Variants in DEPDC5 observed in about 807,000 individuals in gnomAD.
The protein encoded by DEPDC5 is DEP domain containing 5, GATOR1 subcomplex subunit, also known as GATOR1 complex protein DEPDC5.
DEPDC5 carries 73 observed loss-of-function variants against 217.3 expected under a neutral mutation model. The observed-to-expected ratio is 0.34, with a 90% CI of 0.28 to 0.41. The LOEUF is 0.41. Ranked by LOEUF, DEPDC5 falls within the 10% of genes least tolerant of loss-of-function variation. The pLI, the probability that DEPDC5 is intolerant of heterozygous loss-of-function variation, is 1.00. For synonymous variants in DEPDC5, 733 were observed against 756.7 expected (o/e 0.97, Z 0.51); for missense variants, 1,675 against 2,070.1 (o/e 0.81, Z 3.70).
chr22:31,760,718 CTCT>C lies in DEPDC5; in HGVS notation c.193+21_193+23del, dbSNP rs1394336044. ...TTACAGAAGGGTAAGAATTATATCACTCTTCTTAGAATTTTTTATTTACTGCCT... is the reference window on the plus strand; with the variant it reads ...TTACAGAAGGGTAAGAATTATATCACTCTTAGAATTTTTTATTTACTGCCT... On this transcript the variant is annotated intron_variant, in intron 4 of 42. Transcript: ENST00000651528. The C allele has an allele frequency of 1.3e-6, 2 of 1,595,238 alleles. No homozygotes were observed. Among genetic ancestry groups the C allele is most frequent in the Non-Finnish European group, 1.7e-6 (2 of 1,169,784 alleles).
At position 31,869,829 on chromosome 22, in the gene DEPDC5, A is replaced by G. The variant is rs140234597; in HGVS notation, c.3331-761A>G. 2.0e-3 allele frequency among the ~76,000 whole-genome samples: 308 copies of G among 152,192 alleles called. 1 individual carries two copies. Among genetic ancestry groups the G allele is most frequent in the African/African-American group, 7.1e-3 (295 of 41,534 alleles). ...TGAAAGTTTTCAGAGTAACAGAATGATGGGATTGGAACTGTTCTTGACAGA... is the reference window on the plus strand; with the variant it reads ...TGAAAGTTTTCAGAGTAACAGAATGGTGGGATTGGAACTGTTCTTGACAGA... On this transcript the variant is annotated intron_variant, in intron 33 of 42. Coordinates refer to ENST00000651528, the MANE Select transcript of DEPDC5 (RefSeq NM_001242896.3).
rs929089696 is a variant in DEPDC5, at chr22:31,804,729, A to G, written c.1144-113A>G. ...TGCTGGGATTACAGGCATGACCCAC[A>G]GCGCCCAGCCCTAAAAAATTTTTTT... On this transcript the variant is annotated intron_variant, in intron 16 of 42. Coordinates refer to ENST00000651528, the MANE Select transcript of DEPDC5 (RefSeq NM_001242896.3). 6.9e-6 allele frequency: 7 copies of G among 1,013,976 alleles called. No homozygotes were observed. The African/African-American group carries it at 9.7e-5, about 14-fold the overall frequency. The allele number at this position is 1,013,976 out of a possible 1,614,324, so 62.8% of individuals were successfully genotyped here. A position where few individuals can be genotyped will look rare whatever the true frequency, so the allele number is the denominator to read the frequency against.
chr22:31,791,724 C>T (rs1410918291), intron 10 of DEPDC5, among the ~76,000 whole-genome samples: 1 of 150,998 alleles, frequency 6.6e-6, no homozygotes, highest in Non-Finnish European at 1.5e-5. Context: ...GTCAGGAGAT[C>T]GAGACCATCT....
chr22:31,875,471 T>C (rs1382322319), intron 36 of DEPDC5: 1 of 152,110 alleles, frequency 6.6e-6, no homozygotes, highest in African/African-American at 2.4e-5. Flanking sequence ...AATAAAATTA[T>C]TTAAGAATAA....
intron 7 of DEPDC5, among the ~76,000 whole-genome samples, chr22:31,772,246 T>G (rs932845633): frequency 6.6e-6 from 1 of 151,970 alleles, no homozygotes; most frequent in African/African-American, 2.4e-5. Flanking sequence ...AAACAAAAAT[T>G]TGTTAGCGGG....
At chr22:31,809,863 T>C (rs2088049680) in intron 19 of DEPDC5, among the ~76,000 whole-genome samples, 1 of 152,082 alleles carries the variant, frequency 6.6e-6, no homozygotes. Flanking sequence ...GTGCCTGTAA[T>C]CCCAGCTACT....
intron 10 of DEPDC5, among the ~76,000 whole-genome samples, chr22:31,786,827 CTT>C (rs753795735): frequency 1.1e-4 from 16 of 152,032 alleles, no homozygotes; most frequent in African/African-American, 3.9e-4. Flanking sequence ...CCGGGCTACT[CTT>C]TAACTTTTGT....
intron 5 of DEPDC5, among the ~76,000 whole-genome samples, chr22:31,766,348 T>G (rs1415141254): frequency 6.6e-6 from 1 of 152,210 alleles, no homozygotes; most frequent in Non-Finnish European, 1.5e-5. Context: ...AGTCCCCCAC[T>G]ACCCATCACA....
In DEPDC5 at chr22:31,792,896, G is replaced by A. The variant is rs575755979; in HGVS notation, c.767+79G>A. On this transcript the variant is annotated intron_variant, in intron 12 of 42. Transcript: ENST00000651528. Reference sequence around the variant, plus strand: ...CTAACTTAAAAATAAGTCAGCCTGGGCAACATGGCGAAACCCTGTCTCTAC... The same window carrying A: ...CTAACTTAAAAATAAGTCAGCCTGGACAACATGGCGAAACCCTGTCTCTAC... 5 of 1,252,290 alleles carry A rather than the reference G, an allele frequency of 4.0e-6. No homozygotes were observed. In the African/African-American group the frequency reaches 4.8e-5, roughly 12 times the overall value. The allele number at this position is 1,252,290 out of a possible 1,614,324, so 77.6% of individuals were successfully genotyped here.
chr22:31,837,882 T>C (rs2091128645), intron 26 of DEPDC5, among the ~76,000 whole-genome samples: 1 of 152,034 alleles, frequency 6.6e-6, no homozygotes. Flanking sequence ...TTTGTATTTT[T>C]AGTAGAGATA....
chr22:31,788,921 C>T lies in DEPDC5; in HGVS notation c.625-3112C>T, dbSNP rs567358213. On this transcript the variant is annotated intron_variant, in intron 10 of 42. Transcript: ENST00000651528. ...ATTTATGTATTTTTAGAGACAGTCT[C>T]GCTCTGTCGCCCAGACTGGAGTGCA... 4.3e-4 allele frequency among the ~76,000 whole-genome samples: 65 copies of T among 152,126 alleles called. No individual in the cohort carries two copies. In the South Asian group the frequency reaches 0.013, roughly 30 times the overall value.
chr22:31,792,283 G>C (rs1342095383), intron 11 of DEPDC5, among the ~76,000 whole-genome samples, 181 bp downstream of exon 11: 2 of 151,980 alleles, frequency 1.3e-5, no homozygotes, highest in Non-Finnish European at 2.9e-5. Flanking sequence ...AGGTCTGTGG[G>C]CTGTGATTCA....
intron 31 of DEPDC5, among the ~76,000 whole-genome samples, chr22:31,855,122 G>T (rs187598400): frequency 6.6e-6 from 1 of 151,790 alleles, no homozygotes; most frequent in Non-Finnish European, 1.5e-5. Flanking sequence ...GCGCCACCAC[G>T]CCTGGCTAAT....
chr22:31,818,219 A>G (rs930461548), intron 21 of DEPDC5, among the ~76,000 whole-genome samples: 1 of 151,978 alleles, frequency 6.6e-6, no homozygotes, highest in Non-Finnish European at 1.5e-5. Flanking sequence ...ATATCATACC[A>G]TCTCCTTGCC....
At chr22:31,861,707 C>T (rs1479213526) in intron 33 of DEPDC5, among the ~76,000 whole-genome samples, 1 of 152,204 alleles carries the variant, frequency 6.6e-6, no homozygotes, top group Non-Finnish European at 1.5e-5. Flanking sequence ...GTCACTGATT[C>T]TCTGCCACTT....
intron 24 of DEPDC5, among the ~76,000 whole-genome samples, chr22:31,830,791 G>GT (rs796173492): frequency 9.2e-4 from 138 of 150,566 alleles, no homozygotes; most frequent in African/African-American, 3.2e-3. Context: ...CTTTATTAGT[G>GT]TAAGAATTTG....
rs541225014 is a variant in DEPDC5, at chr22:31,834,737, A to G, written c.2170+757A>G. 2.4e-3 allele frequency among the ~76,000 whole-genome samples: 365 copies of G among 152,014 alleles called. 1 individual carries two copies. The highest frequency in any genetic ancestry group is 3.6e-3 in the Non-Finnish European group (243 of 67,960). ...TCACCATGTTGGTTAGGCTGGTCTCAAACTCCTAACCTCGTGATCCTGACC... is the reference window on the plus strand; with the variant it reads ...TCACCATGTTGGTTAGGCTGGTCTCGAACTCCTAACCTCGTGATCCTGACC... On this transcript the variant is annotated intron_variant, in intron 25 of 42. Transcript: ENST00000651528.
chr22:31,761,180 A>C (rs946188022), intron 4 of DEPDC5, among the ~76,000 whole-genome samples: 4 of 152,026 alleles, frequency 2.6e-5, no homozygotes, highest in African/African-American at 9.7e-5. Context: ...ACGAGGTTTC[A>C]CCGTGTTAGC....
intron 16 of DEPDC5, among the ~76,000 whole-genome samples, chr22:31,804,574 T>C (rs532118945): frequency 2.8e-4 from 43 of 152,238 alleles, no homozygotes; most frequent in African/African-American, 1.0e-3. Flanking sequence ...CGAGTAGCTA[T>C]GATTACAGGC....
Sources: gnomAD v4.1 joint callset for allele counts (sites outside exome capture counted in the v4.1 genomes callset) on GRCh38, gnomAD v4.1.1 for gene constraint, MANE v1.5 for transcripts, NCBI Gene and HGNC (gene_info 2026-07-23, HGNC 2026-07-21) for gene names.